The following NT5C3A variants were observed in gnomAD, a reference collection of about 807,000 sequenced individuals.
NT5C3A encodes 5'-nucleotidase, cytosolic IIIA, also known as cytosolic 5'-nucleotidase 3A.
NT5C3A carries 23 observed loss-of-function variants against 40.0 expected under a neutral mutation model. The ratio of observed to expected loss-of-function variants is 0.58; its 90% CI spans 0.41 to 0.81. NT5C3A has a LOEUF of 0.81. NT5C3A is among the 40% of genes least tolerant of loss of function. The pLI, the probability that NT5C3A is intolerant of heterozygous loss-of-function variation, is 0.00. For synonymous variants in NT5C3A, 130 were observed against 141.4 expected, an observed-to-expected ratio of 0.92 and a Z score of 0.57; for missense variants, 328 against 403.0, an observed-to-expected ratio of 0.81 and a Z score of 1.59.
rs1012714641 is a variant in NT5C3A at position 33,014,685 on chromosome 7, T to C, written c.*45A>G. 1 of 1,606,328 alleles carries C rather than the reference T, an allele frequency of 6.2e-7. No homozygotes were observed. Among genetic ancestry groups the C allele is most frequent in the Non-Finnish European group, 8.5e-7 (1 of 1,176,308 alleles). ...CTCAGCAAGATGAACGGATGAACAGTTCAATTGCACCCACAGGAGAGAGGT... is the reference window on the plus strand; with the variant it reads ...CTCAGCAAGATGAACGGATGAACAGCTCAATTGCACCCACAGGAGAGAGGT... On this transcript the variant is annotated 3_prime_UTR_variant, in exon 9 of 9. Coordinates refer to ENST00000610140, the MANE Select transcript of NT5C3A (RefSeq NM_001002010.5).
chr7:33,041,755 T>A lies in NT5C3A; in HGVS notation c.139-14840A>T, dbSNP rs72555721. On this transcript the variant is annotated intron_variant, in intron 1 of 8. Coordinates refer to ENST00000610140, the MANE Select transcript of NT5C3A (RefSeq NM_001002010.5). ...ATGAAGAAAAAAAAATTTTTTTTTT[T>A]AAAAGAGAACTAGTCTTGCTTTTAA... Among the ~76,000 whole-genome samples the A allele has an allele frequency of 1.5e-4, 23 of 152,132 alleles. No homozygotes were observed. In the East Asian group the frequency reaches 3.7e-3, roughly 24 times the overall value.
intron 4 of NT5C3A, among the ~76,000 whole-genome samples, 190 bp from the exon 5 acceptor site, chr7:33,021,547 T>C (rs1477193686): frequency 6.6e-6 from 1 of 152,204 alleles, no homozygotes; most frequent in Admixed American, 6.5e-5. Flanking sequence ...AAAAGCTACC[T>C]TTCTTTTGTA....
At position 33,022,110 on chromosome 7, in the gene NT5C3A, A is replaced by C. The variant is rs767919318; in HGVS notation, c.308-11T>G. 7.1e-7 allele frequency: 1 copy of C among 1,407,792 alleles called. No individual in the cohort carries two copies. The highest frequency in any genetic ancestry group is 2.3e-5 in the East Asian group (1 of 43,830). 87.2% of individuals were successfully genotyped at this position (1,407,792 alleles called of 1,614,324 possible). ...AGTTGTCAATGATATCTAAAGATAG[A>C]AAGCAAAATAAGCATTAAAAGAAAT... On this transcript the variant is annotated splice_polypyrimidine_tract_variant and intron_variant, in intron 3 of 8. Transcript: ENST00000610140.
intron 6 of NT5C3A, among the ~76,000 whole-genome samples, chr7:33,019,212 T>G (rs1035339879): frequency 4.0e-5 from 6 of 151,778 alleles, no homozygotes; most frequent in African/African-American, 1.5e-4. Flanking sequence ...GAAGAGATTA[T>G]GTCACTACAC....
At chr7:33,049,549 G>T (rs1199986142) in intron 1 of NT5C3A, among the ~76,000 whole-genome samples, 3 of 152,048 alleles carry the variant, frequency 2.0e-5, no homozygotes, top group Admixed American at 1.3e-4. Flanking sequence ...TAAAAATTAT[G>T]GAACACTAGA....
intron 1 of NT5C3A, among the ~76,000 whole-genome samples, chr7:33,057,055 C>T (rs377559188): frequency 2.6e-3 from 391 of 152,170 alleles, no homozygotes; most frequent in Non-Finnish European, 4.6e-3. Context: ...TCAGGTGATC[C>T]GCCCGCCTTG....
chr7:33,046,891 C>T (rs1787179412), intron 1 of NT5C3A, among the ~76,000 whole-genome samples: 1 of 150,864 alleles, frequency 6.6e-6, no homozygotes, highest in African/African-American at 2.4e-5. Flanking sequence ...GCAGCCTCTG[C>T]TTCCCGGGTT....
In NT5C3A at chr7:33,015,304, C is replaced by T. The variant is rs74463138; in HGVS notation, c.894+366G>A. Among the ~76,000 whole-genome samples, 1,300 of 152,244 alleles carry T rather than the reference C, an allele frequency of 8.5e-3. 23 individuals are homozygous for T. Among genetic ancestry groups the T allele is most frequent in the African/African-American group, 0.03 (1,245 of 41,530 alleles). On this transcript the variant is annotated intron_variant, in intron 8 of 8. Transcript: ENST00000610140. The stretch of plus-strand genomic sequence containing the variant: ...TGTTTTGGCTGGGCATAGTGGCTCA[C>T]GCCTGTTATCCCAAGCACTTTGAGA...
intron 1 of NT5C3A, chr7:33,036,422 T>C (rs1328874943): frequency 4.7e-6 from 1 of 212,440 alleles, no homozygotes; most frequent in Non-Finnish European, 9.7e-6. Flanking sequence ...GGCTTTGCTA[T>C]GATTTAACAT....
intron 1 of NT5C3A, among the ~76,000 whole-genome samples, chr7:33,039,922 T>C (rs1244158635): frequency 6.6e-6 from 1 of 152,216 alleles, no homozygotes; most frequent in South Asian, 2.1e-4. Context: ...TGGATATTTA[T>C]GCAAATAAAC....
intron 1 of NT5C3A, among the ~76,000 whole-genome samples, chr7:33,040,050 T>C (rs1225326358): frequency 6.6e-6 from 1 of 152,188 alleles, no homozygotes; most frequent in Non-Finnish European, 1.5e-5. Context: ...AAGTAATTTA[T>C]ACTGACAACC....
intron 1 of NT5C3A, among the ~76,000 whole-genome samples, chr7:33,059,485 C>A (rs2128021514): frequency 6.6e-6 from 1 of 152,266 alleles, no homozygotes; most frequent in South Asian, 2.1e-4. Context: ...TCAGCAGTTA[C>A]CTGATAATCT....
At chr7:33,016,953 T>TGGGAGGATAACTTGTGGTC (rs1785365217) in intron 7 of NT5C3A, among the ~76,000 whole-genome samples, 1 of 151,734 alleles carries the variant, frequency 6.6e-6, no homozygotes, top group Non-Finnish European at 1.5e-5. Flanking sequence ...GAGGCCAAGG[T>TGGGAGGATAACTTGTGGTC]GGGAGGATAA....
At chr7:33,021,063 G>T (rs555946435) in intron 5 of NT5C3A, among the ~76,000 whole-genome samples, 1 of 152,048 alleles carries the variant, frequency 6.6e-6, no homozygotes, top group South Asian at 2.1e-4. Context: ...ATTCCTACTG[G>T]ACTTCACCTT....
At chr7:33,028,604 T>G (rs1447719199) in intron 1 of NT5C3A, among the ~76,000 whole-genome samples, 1 of 152,246 alleles carries the variant, frequency 6.6e-6, no homozygotes, top group Non-Finnish European at 1.5e-5. Context: ...GTCATGGACA[T>G]GGTTACAAAA....
chr7:33,018,362 G>A (rs1025890395), intron 6 of NT5C3A, among the ~76,000 whole-genome samples: 2 of 151,998 alleles, frequency 1.3e-5, no homozygotes, highest in Admixed American at 1.3e-4. Flanking sequence ...ACCCTTCCTG[G>A]GCCATAGGTT....
At chr7:33,045,731 A>G (rs373661452) in intron 1 of NT5C3A, 2 of 152,134 alleles carry the variant, frequency 1.3e-5, no homozygotes, top group African/African-American at 4.8e-5. Context: ...TGCTGGGATT[A>G]CAGGCGTGAG....
intron 8 of NT5C3A, 129 bp downstream of exon 8, chr7:33,015,541 T>G (rs1785272786): frequency 6.2e-6 from 4 of 649,622 alleles, no homozygotes; most frequent in Admixed American, 5.4e-5. Flanking sequence ...CTAGCCTCGG[T>G]AACAGAGGCT....
intron 6 of NT5C3A, 144 bp downstream of exon 6, chr7:33,019,491 A>G (rs1328687168): frequency 1.3e-5 from 9 of 677,764 alleles, no homozygotes; most frequent in Admixed American, 8.3e-5. Context: ...TCTTACCACT[A>G]TGTATTTTGT....
Sources: allele counts gnomAD v4.1 joint callset (sites outside exome capture counted in the v4.1 genomes callset), GRCh38; gene constraint gnomAD v4.1.1; transcripts MANE v1.5; gene names NCBI Gene and HGNC (gene_info 2026-07-23, HGNC 2026-07-21).